Variants in ATP8B4 observed in about 807,000 individuals in gnomAD.
ATP8B4 encodes probable phospholipid-transporting ATPase IM.
ATP8B4 carries 133 observed loss-of-function variants against 145.6 expected under a neutral mutation model. That is an observed-to-expected ratio of 0.91 (90% CI 0.79 to 1.05). The LOEUF is 1.05. Ranked by LOEUF, ATP8B4 falls within the 50% of genes least tolerant of loss-of-function variation. The pLI is 0.00. For synonymous variants in ATP8B4, 507 were observed against 492.9 expected (o/e 1.03, Z -0.38); for missense variants, 1,458 against 1,425.2 (o/e 1.02, Z -0.37).
At chr15:50,158,282 C>T (rs2044456476) in intron 1 of ATP8B4, among the ~76,000 whole-genome samples, 1 of 151,806 alleles carries the variant, frequency 6.6e-6, no homozygotes, top group African/African-American at 2.4e-5. Context: ...GCGCCTCTTC[C>T]CGGCCGCCAT....
At chr15:50,115,621 C>A (rs1204122923) in intron 1 of ATP8B4, among the ~76,000 whole-genome samples, 1 of 151,886 alleles carries the variant, frequency 6.6e-6, no homozygotes, top group Non-Finnish European at 1.5e-5. Flanking sequence ...TCATGGCAAG[C>A]AGATCATACA....
chr15:50,073,009 TATATATATATACACACACAC>T (rs1170821367), intron 3 of ATP8B4, among the ~76,000 whole-genome samples: 22 of 50,572 alleles, frequency 4.4e-4, no homozygotes, highest in South Asian at 1.7e-3. Context: ...TATATATATA[TATATATATATACACACACAC>T]ACACACACAC....
chr15:49,927,997 G>T (rs774652932), intron 16 of ATP8B4, among the ~76,000 whole-genome samples: 14 of 152,122 alleles, frequency 9.2e-5, no homozygotes, highest in African/African-American at 3.4e-4. Context: ...TTTTTAAATA[G>T]TAAGAAATTG....
Position 50,045,922 on chromosome 15 carries a change from G to T in ATP8B4, c.202-1230C>A, listed in dbSNP as rs539479859. On this transcript the variant is annotated intron_variant, in intron 4 of 27. Coordinates refer to ENST00000284509, the MANE Select transcript of ATP8B4 (RefSeq NM_024837.4). ...CAAAAGCAACTTCATGGGGAGAGGT[G>T]GGGGGAAGAAATTTGGACTCTAAGC... 3.2e-4 allele frequency among the ~76,000 whole-genome samples: 49 copies of T among 152,278 alleles called. 1 individual carries two copies. The highest frequency in any genetic ancestry group is 1.2e-3 in the African/African-American group (49 of 41,548).
rs528627744 is a variant in ATP8B4 at position 50,074,055 on chromosome 15, A to T, written c.87+72T>A. Reference sequence around the variant, plus strand: ...GTTTTTGGTGAAGTCATAAAGTTCTAGAAGACATGCATCCCACTGTCTTTA... The same window carrying T: ...GTTTTTGGTGAAGTCATAAAGTTCTTGAAGACATGCATCCCACTGTCTTTA... On this transcript the variant is annotated intron_variant, in intron 3 of 27. Transcript: ENST00000284509. 20 of 1,355,904 alleles carry T rather than the reference A, an allele frequency of 1.5e-5. No homozygotes were observed. The African/African-American group carries it at 2.9e-4, about 20-fold the overall frequency. 84.0% of individuals were successfully genotyped at this position (1,355,904 alleles called of 1,614,324 possible). A position where few individuals can be genotyped will look rare whatever the true frequency, so the allele number is the denominator to read the frequency against.
At chr15:49,977,940 G>GTA (rs1567126073) in intron 12 of ATP8B4, among the ~76,000 whole-genome samples, 1 of 152,082 alleles carries the variant, frequency 6.6e-6, no homozygotes, top group African/African-American at 2.4e-5. Context: ...AGGTCACACA[G>GTA]CTATTAGTGG....
intron 2 of ATP8B4, among the ~76,000 whole-genome samples, chr15:50,092,186 A>G (rs897275785): frequency 6.6e-6 from 1 of 152,084 alleles, no homozygotes; most frequent in African/African-American, 2.4e-5. Flanking sequence ...AAAACATACT[A>G]AACCTTATAA....
rs376570194 is a variant in ATP8B4 at position 50,086,837 on chromosome 15, ATAT to A, written c.29-12655_29-12653del. Among the ~76,000 whole-genome samples the A allele has an allele frequency of 4.6e-4, 37 of 80,188 alleles. 3 individuals carry two copies. The highest frequency in any genetic ancestry group is 3.8e-4 in the South Asian group (1 of 2,612). 52.6% of individuals were successfully genotyped at this position (80,188 alleles called of 152,430 possible). A position where few individuals can be genotyped will look rare whatever the true frequency, so the allele number is the denominator to read the frequency against. On this transcript the variant is annotated intron_variant, in intron 2 of 27. Coordinates refer to ENST00000284509, the MANE Select transcript of ATP8B4 (RefSeq NM_024837.4). ...ATATATAATAAAATAATAGAGATCT[ATAT>A]TATTATATATAATAAAATAATATAG...
intron 1 of ATP8B4, among the ~76,000 whole-genome samples, chr15:50,168,132 A>C (rs1567416156): frequency 6.6e-6 from 1 of 152,210 alleles, no homozygotes; most frequent in Non-Finnish European, 1.5e-5. Flanking sequence ...AAGGAAACAA[A>C]GAAGTAAAGG....
chr15:50,056,006 G>A (rs1205000271), intron 3 of ATP8B4, among the ~76,000 whole-genome samples: 4 of 152,134 alleles, frequency 2.6e-5, no homozygotes, highest in Admixed American at 1.3e-4. Context: ...ATGGAAAGAC[G>A]ACAGTGCTCT....
intron 2 of ATP8B4, among the ~76,000 whole-genome samples, chr15:50,075,976 G>C (rs2054143798): frequency 6.6e-6 from 1 of 152,178 alleles, no homozygotes; most frequent in Non-Finnish European, 1.5e-5. Context: ...GGTTAACCTG[G>C]ACCACTGGTA....
chr15:50,077,936 C>G (rs2054288492), intron 2 of ATP8B4, among the ~76,000 whole-genome samples: 1 of 152,144 alleles, frequency 6.6e-6, no homozygotes, highest in African/African-American at 2.4e-5. Flanking sequence ...AGGCTGCTCA[C>G]TCCTGTTCAA....
At chr15:50,145,199 A>G (rs2044261450) in intron 1 of ATP8B4, among the ~76,000 whole-genome samples, 1 of 152,228 alleles carries the variant, frequency 6.6e-6, no homozygotes, top group Non-Finnish European at 1.5e-5. Flanking sequence ...AACAAAAAAT[A>G]AAGAGGTAAA....
chr15:49,864,583 T>C (rs1464521852), intron 26 of ATP8B4, among the ~76,000 whole-genome samples: 1 of 152,226 alleles, frequency 6.6e-6, no homozygotes, highest in Non-Finnish European at 1.5e-5. Context: ...GGAATCATTT[T>C]GAAATGTGGA....
At chr15:49,934,959 T>C (rs1380221289) in intron 14 of ATP8B4, among the ~76,000 whole-genome samples, 1 of 150,410 alleles carries the variant, frequency 6.6e-6, no homozygotes, top group Non-Finnish European at 1.5e-5. Flanking sequence ...CAAGAGCAGA[T>C]AGGATTGTAA....
chr15:50,178,441 AACCCAG>A (rs1466971692), intron 1 of ATP8B4, among the ~76,000 whole-genome samples: 8 of 152,242 alleles, frequency 5.3e-5, no homozygotes, highest in Non-Finnish European at 1.5e-5. Context: ...ATGGTATAAA[AACCCAG>A]ACAAAAGTTG....
chr15:49,921,106 GGAA>G (rs1434141002), intron 17 of ATP8B4, among the ~76,000 whole-genome samples: 1 of 152,126 alleles, frequency 6.6e-6, no homozygotes, highest in African/African-American at 2.4e-5. Context: ...GGGAGAGAAA[GGAA>G]GAAAAGCTAA....
intron 16 of ATP8B4, among the ~76,000 whole-genome samples, chr15:49,930,371 G>A (rs980923493): frequency 1.3e-5 from 2 of 151,962 alleles, no homozygotes; most frequent in Admixed American, 6.6e-5. Flanking sequence ...GAGAACTTGA[G>A]GAAACAGCCA....
chr15:50,080,136 C>T lies in ATP8B4; in HGVS notation c.29-5951G>A, dbSNP rs182827430. Among the ~76,000 whole-genome samples the T allele has an allele frequency of 1.4e-4, 22 of 152,194 alleles. No individual in the cohort carries two copies. The East Asian group carries it at 1.5e-3, about 11-fold the overall frequency. ...CAAAGTGCTACTCCATATAGGATGA[C>T]GATAATAACCTTAAATCCCCCAAAA... On this transcript the variant is annotated intron_variant, in intron 2 of 27. Coordinates refer to ENST00000284509, the MANE Select transcript of ATP8B4 (RefSeq NM_024837.4).
Sources: gnomAD v4.1 joint callset for allele counts (sites outside exome capture counted in the v4.1 genomes callset) on GRCh38, gnomAD v4.1.1 for gene constraint, MANE v1.5 for transcripts, NCBI Gene and HGNC (gene_info 2026-07-23, HGNC 2026-07-21) for gene names.